SNX10: variants seen among roughly 807,000 people sequenced by gnomAD.
The protein encoded by SNX10 is sorting nexin 10, also known as sorting nexin-10.
In SNX10, 25 loss-of-function variants were observed where a neutral mutation model predicts 28.5. That is an observed-to-expected ratio of 0.88 (90% confidence interval 0.64 to 1.22). The LOEUF is 1.22. SNX10 is among the 50% of genes most tolerant of loss of function. The pLI is 0.00. For synonymous variants in SNX10, 62 were observed against 81.4 expected (o/e 0.76, Z 1.28); for missense variants, 223 against 242.6 (o/e 0.92, Z 0.54).
At chr7:26,316,813 A>G (rs1392722852) in intron 1 of SNX10, among the ~76,000 whole-genome samples, 1 of 152,124 alleles carries the variant, frequency 6.6e-6, no homozygotes, top group African/African-American at 2.4e-5. Context: ...GCTGCTGAGT[A>G]TTTTTGGGCG....
intron 1 of SNX10, among the ~76,000 whole-genome samples, chr7:26,345,888 G>A (rs1788364828): frequency 6.6e-6 from 1 of 152,152 alleles, no homozygotes; most frequent in Non-Finnish European, 1.5e-5. Context: ...CAGGCTGGCT[G>A]CACTGCTCAG....
At chr7:26,319,028 G>A (rs1787208190) in intron 1 of SNX10, among the ~76,000 whole-genome samples, 2 of 152,182 alleles carry the variant, frequency 1.3e-5, no homozygotes. Context: ...TCTAAACTTT[G>A]ATGCTGCCTT....
chr7:26,314,380 G>A (rs1786982127), intron 1 of SNX10, among the ~76,000 whole-genome samples: 1 of 151,800 alleles, frequency 6.6e-6, no homozygotes, highest in South Asian at 2.1e-4. Flanking sequence ...TCAGCCTCCC[G>A]AGTAGCTGGG....
At chr7:26,337,482 G>T (rs565841855) in intron 1 of SNX10, among the ~76,000 whole-genome samples, 1 of 152,188 alleles carries the variant, frequency 6.6e-6, no homozygotes, top group African/African-American at 2.4e-5. Context: ...CTTTCCTCTA[G>T]CCCTTGGCAA....
intron 5 of SNX10, chr7:26,370,450 G>A (rs925218900): frequency 6.6e-6 from 1 of 152,156 alleles, no homozygotes; most frequent in African/African-American, 2.4e-5. Context: ...TTGAGGTTTT[G>A]CCTTTTAAAA....
At chr7:26,369,274 T>G (rs1789412953) in intron 5 of SNX10, among the ~76,000 whole-genome samples, 2 of 152,214 alleles carry the variant, frequency 1.3e-5, no homozygotes, top group Admixed American at 6.5e-5. Flanking sequence ...GATTTTGGGC[T>G]ATTAGATTTG....
At chr7:26,312,910 A>C (rs1786908011) in intron 1 of SNX10, among the ~76,000 whole-genome samples, 1 of 152,254 alleles carries the variant, frequency 6.6e-6, no homozygotes, top group African/African-American at 2.4e-5. Flanking sequence ...TGACAAAGAT[A>C]AAACATTTTG....
chr7:26,310,738 G>A (rs994466975), intron 1 of SNX10, among the ~76,000 whole-genome samples: 32 of 151,372 alleles, frequency 2.1e-4, no homozygotes, highest in African/African-American at 7.5e-4. Context: ...CTGGAGTGCA[G>A]TGGCGCCATC....
rs964133307 is a variant in SNX10 at position 26,292,095 on chromosome 7, C to G, written c.-24+9C>G. The G allele has an allele frequency of 2.0e-5, 3 of 152,420 alleles. No individual in the cohort carries two copies. The highest frequency in any genetic ancestry group is 2.0e-4 in the Admixed American group (3 of 15,292). The allele number at this position is 152,420 out of a possible 1,614,324, so 9.4% of individuals were successfully genotyped here. A position where few individuals can be genotyped will look rare whatever the true frequency, so the allele number is the denominator to read the frequency against. On this transcript the variant is annotated intron_variant, in intron 1 of 6. Coordinates refer to ENST00000338523, the MANE Select transcript of SNX10 (RefSeq NM_013322.3). ...GCCCGGAGGAGCCGCCCGTAAGTGACAAGAGACCCGCTGAGGGGGCCTCCC... is the reference window on the plus strand; with the variant it reads ...GCCCGGAGGAGCCGCCCGTAAGTGAGAAGAGACCCGCTGAGGGGGCCTCCC...
chr7:26,339,134 C>T lies in SNX10; in HGVS notation c.-23-7286C>T, dbSNP rs759790007. On this transcript the variant is annotated intron_variant, in intron 1 of 6. Transcript: ENST00000338523. ...TACCAGTTTTGTTTCAGAGTCAAAC[C>T]ATGAACTGAATTCCTTCCCGAAGTT... Among the ~76,000 whole-genome samples, 18 of 152,332 alleles carry T rather than the reference C, an allele frequency of 1.2e-4. No homozygotes were observed. The Middle Eastern group carries it at 0.01, about 86-fold the overall frequency.
At chr7:26,310,667 G>T (rs1443170895) in intron 1 of SNX10, among the ~76,000 whole-genome samples, 2 of 144,052 alleles carry the variant, frequency 1.4e-5, no homozygotes, top group Non-Finnish European at 3.0e-5. Context: ...ACTGAGGAAG[G>T]ATCTGGCGAG....
At chr7:26,367,322 A>C (rs1789331749) in intron 5 of SNX10, among the ~76,000 whole-genome samples, 1 of 152,194 alleles carries the variant, frequency 6.6e-6, no homozygotes, top group African/African-American at 2.4e-5. Flanking sequence ...CACTGTGTAC[A>C]CATCCAGGGC....
intron 1 of SNX10, among the ~76,000 whole-genome samples, chr7:26,327,138 A>G (rs1348493328): frequency 6.6e-6 from 1 of 151,838 alleles, no homozygotes; most frequent in African/African-American, 2.4e-5. Context: ...TTTAGTAGAG[A>G]TGGGGTTTTG....
chr7:26,327,726 C>CTTTTTTTTTTTTTTTT (rs70943293), intron 1 of SNX10, among the ~76,000 whole-genome samples: 8 of 89,120 alleles, frequency 9.0e-5, no homozygotes, highest in African/African-American at 3.0e-4. Context: ...GCATTCTTTT[C>CTTTTTTTTTTTTTTTT]TTTTTTTTTT....
chr7:26,349,513 G>A (rs1168852619), intron 2 of SNX10, among the ~76,000 whole-genome samples: 1 of 152,160 alleles, frequency 6.6e-6, no homozygotes, highest in African/African-American at 2.4e-5. Context: ...CAGGAGAGCA[G>A]TATCCGAGCT....
At chr7:26,324,481 T>C (rs1787426745) in intron 1 of SNX10, among the ~76,000 whole-genome samples, 1 of 152,166 alleles carries the variant, frequency 6.6e-6, no homozygotes, top group African/African-American at 2.4e-5. Flanking sequence ...CACCTCAGCC[T>C]CCCAAGTAAC....
At position 26,372,535 on chromosome 7, in the gene SNX10, A is replaced by G; in HGVS notation, c.569A>G (p.His190Arg). The change falls in exon 7 of 7, where the codon CAT becomes CGT. Residue 190 changes from histidine (H) to arginine (R), a missense_variant. By Grantham distance (29) the His-to-Arg change is conservative (BLOSUM62 0). Coordinates refer to ENST00000338523, the MANE Select transcript of SNX10 (RefSeq NM_013322.3). ...CACAGTAGTGATGACAGCAGTTCAC[A>G]TGGATGTAAAGTAAATACAGCTCCG... ...LGHSSDDSSSHGCKVNTAPQE... is the reference protein window; with the variant it reads ...LGHSSDDSSSRGCKVNTAPQE... 2 of 1,610,346 alleles carry G rather than the reference A, an allele frequency of 1.2e-6. No individual in the cohort carries two copies. The highest frequency in any genetic ancestry group is 1.7e-6 in the Non-Finnish European group (2 of 1,176,658).
intron 2 of SNX10, chr7:26,357,169 T>C: frequency 2.9e-6 from 1 of 342,472 alleles, no homozygotes; most frequent in Non-Finnish European, 5.1e-6. Flanking sequence ...GAGTAGGGAC[T>C]ATGCCCAAGG....
chr7:26,337,764 CT>C (rs1787993597), intron 1 of SNX10, among the ~76,000 whole-genome samples: 1 of 152,222 alleles, frequency 6.6e-6, no homozygotes. Context: ...AATAATACTG[CT>C]GTGGATGTGG....
Sources: gnomAD v4.1 joint callset for allele counts (sites outside exome capture counted in the v4.1 genomes callset) on GRCh38, gnomAD v4.1.1 for gene constraint, MANE v1.5 for transcripts, NCBI Gene and HGNC (gene_info 2026-07-23, HGNC 2026-07-21) for gene names.